The following PTPN11 variants were observed in gnomAD, a reference collection of about 807,000 sequenced individuals.
PTPN11 encodes the protein protein tyrosine phosphatase non-receptor type 11, also known as tyrosine-protein phosphatase non-receptor type 11.
A neutral mutation model predicts 78.8 loss-of-function variants in PTPN11; 6 were observed. The observed-to-expected ratio is 0.08, with a 90% confidence interval of 0.04 to 0.15. PTPN11 has a LOEUF of 0.15. PTPN11 is among the 10% of genes least tolerant of loss of function. The pLI is 1.00. For missense variants in PTPN11, 386 were observed against 744.8 expected (o/e 0.52, Z 5.61); for synonymous variants, 221 against 263.5 (o/e 0.84, Z 1.56).
chr12:112,423,710 C>T (rs1000308020), intron 1 of PTPN11, among the ~76,000 whole-genome samples: 16 of 149,776 alleles, frequency 1.1e-4, no homozygotes, highest in African/African-American at 3.9e-4. Flanking sequence ...TATCTGTCTA[C>T]ACATACATGT....
intron 1 of PTPN11, among the ~76,000 whole-genome samples, chr12:112,445,098 T>C (rs2037970714): frequency 6.6e-6 from 1 of 152,088 alleles, no homozygotes. Flanking sequence ...TAAAAGCACA[T>C]ACACATACAC....
chr12:112,467,150 C>CAGTAGTGG (rs1263404384), intron 6 of PTPN11, among the ~76,000 whole-genome samples: 1 of 152,116 alleles, frequency 6.6e-6, no homozygotes, highest in Non-Finnish European at 1.5e-5. Flanking sequence ...AACTCCTCCA[C>CAGTAGTGG]AGTAGTGGAG....
intron 6 of PTPN11, among the ~76,000 whole-genome samples, chr12:112,469,511 T>TTTTTTC (rs2038381272): frequency 6.6e-6 from 1 of 152,158 alleles, no homozygotes; most frequent in Admixed American, 6.5e-5. Flanking sequence ...GGGCAATTTC[T>TTTTTTC]TTTTTCTTTT....
At chr12:112,431,516 C>T (rs2037712512) in intron 1 of PTPN11, among the ~76,000 whole-genome samples, 1 of 152,114 alleles carries the variant, frequency 6.6e-6, no homozygotes, top group Admixed American at 6.6e-5. Flanking sequence ...AGTGTCACCC[C>T]TGAGAAGCAG....
At chr12:112,492,935 G>A (rs899084225) in intron 13 of PTPN11, among the ~76,000 whole-genome samples, 5 of 151,904 alleles carry the variant, frequency 3.3e-5, no homozygotes, top group Middle Eastern at 3.2e-3. Context: ...CCTTTCCCCC[G>A]CTTTTAAAAG....
chr12:112,481,008 C>T (rs899324961), intron 9 of PTPN11, among the ~76,000 whole-genome samples: 6 of 152,160 alleles, frequency 3.9e-5, no homozygotes, highest in East Asian at 3.8e-4. Flanking sequence ...TTTTTCAATC[C>T]GCCTGCTCTT....
Position 112,504,912 on chromosome 12 carries a change from C to G in PTPN11, c.*32+116C>G. Reference sequence around the variant, plus strand: ...GTGTACCATAATTGAGTTTTACAAACCAGGCTCCTTTTTCCTCTCCCTGTA... The same window carrying G: ...GTGTACCATAATTGAGTTTTACAAAGCAGGCTCCTTTTTCCTCTCCCTGTA... On this transcript the variant is annotated intron_variant, in intron 15 of 15. Transcript: ENST00000351677. The surrounding 1 kb of genome is among the most constrained non-coding windows in gnomAD (Gnocchi z 4.7). 1 of 677,438 alleles carries G rather than the reference C, an allele frequency of 1.5e-6. No individual in the cohort carries two copies. Among genetic ancestry groups the G allele is most frequent in the Non-Finnish European group, 2.6e-6 (1 of 386,228 alleles). The allele number at this position is 677,438 out of a possible 1,614,324, so 42.0% of individuals were successfully genotyped here.
rs1461672701 is a variant in PTPN11, at chr12:112,508,697, TCA to T, written c.*2908_*2909del. 1 of 152,204 alleles carries T rather than the reference TCA, an allele frequency of 6.6e-6. No individual in the cohort carries two copies. Among genetic ancestry groups the T allele is most frequent in the Non-Finnish European group, 1.5e-5 (1 of 68,040 alleles). The allele number at this position is 152,204 out of a possible 1,614,324, so 9.4% of individuals were successfully genotyped here. Reference sequence around the variant, plus strand: ...TGGAGTTTAAAAAAAAAGCCAAATTTCACAGTCTTAATAACTTTTTTTAAAAA... The same window carrying T: ...TGGAGTTTAAAAAAAAAGCCAAATTTCAGTCTTAATAACTTTTTTTAAAAA... On this transcript the variant is annotated 3_prime_UTR_variant, in exon 16 of 16. Coordinates refer to ENST00000351677, the MANE Select transcript of PTPN11 (RefSeq NM_002834.5).
At chr12:112,461,979 A>G (rs1025732878) in intron 6 of PTPN11, among the ~76,000 whole-genome samples, 3 of 152,218 alleles carry the variant, frequency 2.0e-5, no homozygotes, top group Admixed American at 6.5e-5. Flanking sequence ...ATCTTAGAAT[A>G]ATGACTTCCC....
intron 11 of PTPN11, chr12:112,487,029 G>T: frequency 1.7e-6 from 1 of 602,178 alleles, no homozygotes; most frequent in Admixed American, 4.6e-5. Context: ...TGACTCTTGA[G>T]GATCCCTTAA....
chr12:112,484,034 G>A (rs573245336), intron 10 of PTPN11, among the ~76,000 whole-genome samples: 6 of 151,760 alleles, frequency 4.0e-5, no homozygotes, highest in African/African-American at 7.3e-5. Flanking sequence ...AGTTTTGCTC[G>A]ATAGAGGGAC....
chr12:112,435,376 C>T (rs1452615228), intron 1 of PTPN11, among the ~76,000 whole-genome samples: 1 of 152,096 alleles, frequency 6.6e-6, no homozygotes, highest in Non-Finnish European at 1.5e-5. Context: ...GCTGCCATCA[C>T]AGGGGTGAGG....
At chr12:112,452,119 G>A (rs897552730) in intron 3 of PTPN11, among the ~76,000 whole-genome samples, 2 of 151,958 alleles carry the variant, frequency 1.3e-5, no homozygotes, top group Admixed American at 1.3e-4. Flanking sequence ...CAGGTGATCC[G>A]CCCACCTTGA....
intron 9 of PTPN11, among the ~76,000 whole-genome samples, chr12:112,479,131 C>T (rs1320080219): frequency 1.3e-5 from 2 of 152,124 alleles, no homozygotes; most frequent in African/African-American, 4.8e-5. Context: ...CTCATTACTC[C>T]ATACTCTTCA....
At chr12:112,469,995 C>T (rs532971957) in intron 6 of PTPN11, among the ~76,000 whole-genome samples, 1 of 151,984 alleles carries the variant, frequency 6.6e-6, no homozygotes, top group South Asian at 2.1e-4. Flanking sequence ...AATCATGGTT[C>T]CCTGCAGCCT....
chr12:112,419,142 G>A lies in PTPN11; in HGVS notation c.14+17G>A, dbSNP rs893839204. The A allele has an allele frequency of 2.0e-6, 3 of 1,507,436 alleles. No homozygotes were observed. In the South Asian group the frequency reaches 3.7e-5, roughly 19 times the overall value. 93.4% of individuals were successfully genotyped at this position (1,507,436 alleles called of 1,614,324 possible). A position where few individuals can be genotyped will look rare whatever the true frequency, so the allele number is the denominator to read the frequency against. On this transcript the variant is annotated intron_variant, in intron 1 of 15. Transcript: ENST00000351677. ...ATCGCGGAGGTGAGGAGCCCCGAGG[G>A]GCCCGGCGCGGGCCTCGGCCCGGCC...
At chr12:112,502,511 C>T (rs1302136983) in intron 14 of PTPN11, among the ~76,000 whole-genome samples, 2 of 152,074 alleles carry the variant, frequency 1.3e-5, no homozygotes, top group African/African-American at 2.4e-5. Context: ...TTTGGGAGGC[C>T]GAGGTTCATG....
In PTPN11 at chr12:112,486,561, C is replaced by T. The variant is rs757362412; in HGVS notation, c.1311C>T (p.Asp437=). The T allele has an allele frequency of 1.9e-6, 3 of 1,614,018 alleles. No individual in the cohort carries two copies. The highest frequency in any genetic ancestry group is 1.3e-5 in the African/African-American group (1 of 74,940). The part of the protein sequence containing the change: ...GVPSDPGGVL[D]FLEEVHHKQE... ...CCAGCGACCCTGGGGGCGTGCTGGA[C>T]TTCCTGGAGGAGGTGCACCATAAGC... Residue 437 remains aspartate (D), a synonymous_variant, in exon 11 of 16, where the codon GAC becomes GAT. Coordinates refer to ENST00000351677, the MANE Select transcript of PTPN11 (RefSeq NM_002834.5).
At chr12:112,480,801 T>C (rs1050937830) in intron 9 of PTPN11, among the ~76,000 whole-genome samples, 5 of 152,224 alleles carry the variant, frequency 3.3e-5, no homozygotes, top group Non-Finnish European at 7.3e-5. Context: ...TTCTCTGTCT[T>C]CCTAAGATAC....
Sources: allele counts gnomAD v4.1 joint callset (sites outside exome capture counted in the v4.1 genomes callset), GRCh38; gene constraint gnomAD v4.1.1; non-coding constraint Gnocchi (gnomAD v3.1); transcripts MANE v1.5; gene names NCBI Gene and HGNC (gene_info 2026-07-23, HGNC 2026-07-21).